The following DRD3 variants were observed in gnomAD, a reference collection of about 807,000 sequenced individuals.
The protein encoded by DRD3 is D(3) dopamine receptor.
In DRD3, 19 loss-of-function variants were observed where a neutral mutation model predicts 36.3. The observed-to-expected ratio is 0.52, with a 90% CI of 0.36 to 0.77. DRD3 has a LOEUF of 0.77. Ranked by LOEUF, DRD3 falls within the 30% of genes least tolerant of loss-of-function variation. DRD3 has a pLI of 0.00. For missense variants in DRD3, 465 were observed against 505.3 expected, an observed-to-expected ratio of 0.92 and a Z score of 0.77; for synonymous variants, 195 against 203.7, an observed-to-expected ratio of 0.96 and a Z score of 0.36.
intron 1 of DRD3, among the ~76,000 whole-genome samples, chr3:114,184,182 T>G (rs1448647576): frequency 6.6e-6 from 1 of 152,186 alleles, no homozygotes; most frequent in Non-Finnish European, 1.5e-5. Flanking sequence ...CATCCTAAAG[T>G]TATAATACTC....
At chr3:114,141,659 A>G (rs1451349340) in intron 4 of DRD3, among the ~76,000 whole-genome samples, 1 of 152,178 alleles carries the variant, frequency 6.6e-6, no homozygotes. Flanking sequence ...TAGAATCTTT[A>G]CAAGCTACTC....
At chr3:114,165,520 A>AT (rs1286880158) in intron 2 of DRD3, among the ~76,000 whole-genome samples, 7 of 152,222 alleles carry the variant, frequency 4.6e-5, no homozygotes, top group African/African-American at 1.4e-4. Context: ...CTGTGGGTTG[A>AT]TACCTACATT....
intron 2 of DRD3, among the ~76,000 whole-genome samples, chr3:114,161,584 A>G (rs901720126): frequency 5.3e-5 from 8 of 152,212 alleles, no homozygotes; most frequent in Non-Finnish European, 7.3e-5. Context: ...ATGAAAATTA[A>G]AACTAGTGAA....
chr3:114,133,134 G>A (rs1285216123), intron 5 of DRD3, among the ~76,000 whole-genome samples: 1 of 152,054 alleles, frequency 6.6e-6, no homozygotes, highest in African/African-American at 2.4e-5. Context: ...GGGATTACAG[G>A]CATGTGCCAC....
At chr3:114,156,715 G>GTCTTTCTTTCTTTCTT (rs1328717527) in intron 3 of DRD3, among the ~76,000 whole-genome samples, 10 of 80,286 alleles carry the variant, frequency 1.2e-4, no homozygotes, top group African/African-American at 4.6e-4. Context: ...TGGCTTGCCT[G>GTCTTTCTTTCTTTCTT]TCTTTCTTTC....
chr3:114,182,154 A>C (rs964773061), upstream of DRD3, among the ~76,000 whole-genome samples: 4 of 152,200 alleles, frequency 2.6e-5, no homozygotes, highest in Non-Finnish European at 5.9e-5. Context: ...GAAAGTTGGC[A>C]AATGCAGTGA....
chr3:114,152,811 A>G (rs924015683), intron 3 of DRD3, among the ~76,000 whole-genome samples: 18 of 152,228 alleles, frequency 1.2e-4, no homozygotes, highest in African/African-American at 3.9e-4. Context: ...CACGTGACCG[A>G]CTGCAGGCGA....
rs200897022 is a variant in DRD3 at position 114,159,767 on chromosome 3, A to G, written c.371T>C (p.Ile124Thr). ...ATTGCAGCCCTACCTGTCTATGCTG[A>G]TGGCACAGAGATTAAGGATGCTGGC... The part of the protein sequence containing the change: ...CTASILNLCA[I>T]SIDRYTAVVM... Residue 124 changes from isoleucine to threonine, a missense_variant, in exon 3 of 7, where the codon ATC becomes ACC. Transcript: ENST00000383673. 18 of 1,613,958 alleles carry G rather than the reference A, an allele frequency of 1.1e-5. No individual in the cohort carries two copies. The highest frequency in any genetic ancestry group is 1.5e-5 in the Non-Finnish European group (18 of 1,179,884).
intron 3 of DRD3, among the ~76,000 whole-genome samples, chr3:114,155,474 TTAC>T (rs1176908710): frequency 1.3e-5 from 2 of 152,152 alleles, no homozygotes; most frequent in Non-Finnish European, 2.9e-5. Flanking sequence ...CAATTCAAAG[TTAC>T]TCTTGTTGGT....
upstream of DRD3, among the ~76,000 whole-genome samples, chr3:114,179,857 T>C (rs1418947881): frequency 6.6e-6 from 1 of 152,222 alleles, no homozygotes; most frequent in African/African-American, 2.4e-5. Flanking sequence ...GTCTAAATAC[T>C]GCTATTGATA....
chr3:114,146,739 G>A (rs1022534584), intron 4 of DRD3, among the ~76,000 whole-genome samples: 2 of 150,768 alleles, frequency 1.3e-5, no homozygotes, highest in African/African-American at 4.9e-5. Context: ...AAAAAAATTA[G>A]TGAGGCTAAA....
At chr3:114,142,848 C>G (rs750011014) in intron 4 of DRD3, among the ~76,000 whole-genome samples, 1 of 152,256 alleles carries the variant, frequency 6.6e-6, no homozygotes, top group Non-Finnish European at 1.5e-5. Context: ...CCTCCCCTAT[C>G]TAAGCAAACA....
At chr3:114,153,914 T>G (rs2077641539) in intron 3 of DRD3, among the ~76,000 whole-genome samples, 1 of 152,204 alleles carries the variant, frequency 6.6e-6, no homozygotes, top group African/African-American at 2.4e-5. Context: ...GTCTGGCACA[T>G]AGTACATGCT....
chr3:114,197,648 A>C (rs1400005443), intron 1 of DRD3, among the ~76,000 whole-genome samples: 2 of 152,168 alleles, frequency 1.3e-5, no homozygotes, highest in Non-Finnish European at 2.9e-5. Context: ...GTTGAAGTTC[A>C]TATTTTGCAT....
intron 1 of DRD3, among the ~76,000 whole-genome samples, chr3:114,173,833 T>G: frequency 6.6e-6 from 1 of 152,310 alleles, no homozygotes; most frequent in Non-Finnish European, 1.5e-5. Flanking sequence ...TTATGGGAAC[T>G]CTCTCTTCAG....
intron 1 of DRD3, among the ~76,000 whole-genome samples, chr3:114,185,185 T>C (rs1432807404): frequency 3.3e-5 from 5 of 152,346 alleles, no homozygotes; most frequent in South Asian, 4.1e-4. Flanking sequence ...TTTCTTCAAA[T>C]ATTCTCCTTA....
chr3:114,159,423 T>G (rs567344744), intron 3 of DRD3, among the ~76,000 whole-genome samples: 1 of 151,894 alleles, frequency 6.6e-6, no homozygotes, highest in South Asian at 2.1e-4. Flanking sequence ...TCAGCTCACC[T>G]TTCCTCCTTC....
chr3:114,198,591 C>T (rs75772292), intron 1 of DRD3, among the ~76,000 whole-genome samples: 8,464 of 151,446 alleles, frequency 0.056, 272 homozygotes, highest in Middle Eastern at 0.078. Flanking sequence ...ACATAGATTA[C>T]CATGTTATCT....
At chr3:114,131,818 T>A (rs1165476434) in intron 5 of DRD3, among the ~76,000 whole-genome samples, 1 of 152,228 alleles carries the variant, frequency 6.6e-6, no homozygotes, top group Non-Finnish European at 1.5e-5. Flanking sequence ...AGAAAGCTTG[T>A]CATCACTGGT....
Sources: gnomAD v4.1 joint callset for allele counts (sites outside exome capture counted in the v4.1 genomes callset) on GRCh38, gnomAD v4.1.1 for gene constraint, MANE v1.5 for transcripts, NCBI Gene and HGNC (gene_info 2026-07-23, HGNC 2026-07-21) for gene names.